Variants in ERAP1 observed in about 807,000 individuals in gnomAD.
ERAP1 encodes endoplasmic reticulum aminopeptidase 1.
In ERAP1, 86 loss-of-function variants were observed where a neutral mutation model predicts 103.7. The observed-to-expected ratio is 0.83, with a 90% CI of 0.70 to 0.99. The LOEUF is 0.99. Among genes scored for constraint, ERAP1 ranks in the 50% least tolerant of loss-of-function variants. The pLI is 0.00. For synonymous variants in ERAP1, 398 were observed against 402.4 expected, an observed-to-expected ratio of 0.99 and a Z score of 0.13; for missense variants, 1,009 against 1,128.4, an observed-to-expected ratio of 0.89 and a Z score of 1.52.
chr5:96,838,544 A>T, the ERAP1 span, among the ~76,000 whole-genome samples: 114 of 152,244 alleles, frequency 7.5e-4, no homozygotes, highest in Non-Finnish European at 1.3e-3. Context: ...TGAATTCTTA[A>T]ATTTGTAGAT....
chr5:96,826,239 T>A, the ERAP1 span, among the ~76,000 whole-genome samples: 12 of 152,190 alleles, frequency 7.9e-5, no homozygotes, highest in South Asian at 2.3e-3. Context: ...CCAGACTCAC[T>A]TGTGTGTTCT....
chr5:96,874,118 G>C, the ERAP1 span, among the ~76,000 whole-genome samples: 2 of 129,162 alleles, frequency 1.5e-5, no homozygotes, highest in South Asian at 5.0e-4. Context: ...AAGAAGGAAG[G>C]AAAGAAAGAA....
At chr5:96,793,776 T>G (rs767476764) in intron 6 of ERAP1, 27 bp downstream of exon 6, 3 of 1,592,754 alleles carry the variant, frequency 1.9e-6, no homozygotes, top group East Asian at 4.5e-5. Flanking sequence ...AGTTTATACT[T>G]TATTAAAAGT....
At chr5:96,764,758 G>A (rs564662608) in intron 19 of ERAP1, among the ~76,000 whole-genome samples, 1 of 152,188 alleles carries the variant, frequency 6.6e-6, no homozygotes, top group Non-Finnish European at 1.5e-5. Flanking sequence ...ACCCTCTATA[G>A]TTGCAGAATC....
At chr5:96,778,244 G>A (rs1774641031) in intron 18 of ERAP1, among the ~76,000 whole-genome samples, 1 of 152,166 alleles carries the variant, frequency 6.6e-6, no homozygotes, top group African/African-American at 2.4e-5. Context: ...ACAGTCTTTT[G>A]GGGTATACAA....
intron 13 of ERAP1, chr5:96,785,281 A>G (rs1775840200): frequency 1.1e-5 from 2 of 179,640 alleles, no homozygotes; most frequent in Admixed American, 5.4e-5. Context: ...GCTATATTCC[A>G]TAAAGATGCT....
chr5:96,901,429 G>A, the ERAP1 span: 1 of 1,483,372 alleles, frequency 6.7e-7, no homozygotes, highest in Non-Finnish European at 9.2e-7. Flanking sequence ...TGGCATCCAA[G>A]GAGATGGAAG....
the ERAP1 span, among the ~76,000 whole-genome samples, chr5:96,865,378 A>G: frequency 6.6e-6 from 1 of 152,164 alleles, no homozygotes; most frequent in African/African-American, 2.4e-5. Context: ...TCCTGTTCCA[A>G]TTGTAAATAT....
At chr5:96,859,626 T>G in the ERAP1 span, among the ~76,000 whole-genome samples, 2 of 152,194 alleles carry the variant, frequency 1.3e-5, no homozygotes, top group Admixed American at 6.6e-5. Flanking sequence ...ATCTAGTCAC[T>G]GTTAAGACCT....
At chr5:96,896,965 T>TAAGTCATATGTTGGGTAACGATAGGCTG in the ERAP1 span, 1 of 987,684 alleles carries the variant, frequency 1.0e-6, no homozygotes, top group Admixed American at 3.2e-5. Flanking sequence ...GTCAACCATA[T>TAAGTCATATGTTGGGTAACGATAGGCTG]TTATTCTGCT....
At chr5:96,788,060 G>C (rs1776298484) in intron 11 of ERAP1, among the ~76,000 whole-genome samples, 1 of 152,130 alleles carries the variant, frequency 6.6e-6, no homozygotes, top group Admixed American at 6.5e-5. Context: ...CAATCAAGTT[G>C]CAGCATCTTG....
At chr5:96,893,217 T>C in the ERAP1 span, among the ~76,000 whole-genome samples, 1 of 152,206 alleles carries the variant, frequency 6.6e-6, no homozygotes, top group Non-Finnish European at 1.5e-5. Flanking sequence ...ATTCCCTCTA[T>C]TTCATTTCTG....
chr5:96,836,176 G>T, the ERAP1 span, among the ~76,000 whole-genome samples: 30 of 106,628 alleles, frequency 2.8e-4, no homozygotes, highest in South Asian at 7.2e-4. Context: ...CACCTCTTTG[G>T]TTTTTTTTTT....
At chr5:96,914,825 G>T in the ERAP1 span, among the ~76,000 whole-genome samples, 2 of 152,022 alleles carry the variant, frequency 1.3e-5, no homozygotes, top group African/African-American at 4.8e-5. Flanking sequence ...ATGGGATGAG[G>T]AAGTGTGCAA....
At chr5:96,799,734 T>C (rs1777769298) in intron 3 of ERAP1, among the ~76,000 whole-genome samples, 1 of 152,218 alleles carries the variant, frequency 6.6e-6, no homozygotes, top group African/African-American at 2.4e-5. Context: ...AAAAAGCACA[T>C]CCTGTATATT....
downstream of ERAP1, chr5:96,773,967 A>G (rs1385230697): frequency 6.6e-6 from 1 of 152,236 alleles, no homozygotes; most frequent in Non-Finnish European, 1.5e-5. Flanking sequence ...CTCCCCCCCA[A>G]ATACTCTCTG....
At chr5:96,907,029 AAAAACAAAAC>A in the ERAP1 span, among the ~76,000 whole-genome samples, 9 of 152,218 alleles carry the variant, frequency 5.9e-5, no homozygotes, top group South Asian at 2.1e-4. Flanking sequence ...ACTCCATCTC[AAAAACAAAAC>A]AAAACAAAAC....
the ERAP1 span, chr5:96,873,238 A>G: frequency 2.5e-6 from 1 of 400,640 alleles, no homozygotes; most frequent in African/African-American, 2.1e-5. Context: ...TTTTGACAAT[A>G]AAGTCTCATC....
the ERAP1 span, chr5:96,896,945 T>C: frequency 5.7e-6 from 8 of 1,391,682 alleles, no homozygotes; most frequent in African/African-American, 1.2e-4. Flanking sequence ...TAAATAGCTA[T>C]ATATTGTCAG....
Sources: gnomAD v4.1 joint callset for allele counts (sites outside exome capture counted in the v4.1 genomes callset) on GRCh38, gnomAD v4.1.1 for gene constraint, MANE v1.5 for transcripts, NCBI Gene and HGNC (gene_info 2026-07-23, HGNC 2026-07-21) for gene names.